KSR2: variants seen among roughly 807,000 people sequenced by gnomAD.
The protein encoded by KSR2 is kinase suppressor of ras 2.
In KSR2, 25 loss-of-function variants were observed where a neutral mutation model predicts 107.8. The observed-to-expected ratio is 0.23, with a 90% confidence interval of 0.17 to 0.32. KSR2 has a LOEUF of 0.32. KSR2 is among the 10% of genes least tolerant of loss of function. The pLI is 1.00. For synonymous variants in KSR2, 480 were observed against 507.0 expected, an observed-to-expected ratio of 0.95 and a Z score of 0.71; for missense variants, 887 against 1,268.9, an observed-to-expected ratio of 0.70 and a Z score of 4.57.
rs755024808 is a variant in KSR2, at chr12:117,968,599, AAAG to A, written c.-347_-345del. ...ACTTAGGGAGGAGGAGGAGGAGGAA[AAAG>A]AAGAGGAGAAGGAGGAGAGAGAGGA... On this transcript the variant is annotated 5_prime_UTR_variant, in exon 1 of 20. Coordinates refer to ENST00000339824, the MANE Select transcript of KSR2 (RefSeq NM_173598.6). 33 of 515,396 alleles carry A rather than the reference AAAG, an allele frequency of 6.4e-5. 1 individual carries two copies. Among genetic ancestry groups the A allele is most frequent in the Non-Finnish European group, 7.8e-5 (29 of 373,370 alleles). The allele number at this position is 515,396 out of a possible 1,614,324, so 31.9% of individuals were successfully genotyped here. A position where few individuals can be genotyped will look rare whatever the true frequency, so the allele number is the denominator to read the frequency against.
chr12:117,932,819 C>T (rs1325015951), intron 1 of KSR2, among the ~76,000 whole-genome samples: 1 of 152,028 alleles, frequency 6.6e-6, no homozygotes, highest in Non-Finnish European at 1.5e-5. Context: ...TGGAGACCAG[C>T]CTGACCAACA....
At chr12:117,467,968 G>T (rs1172918942) in intron 19 of KSR2, 1 of 335,882 alleles carries the variant, frequency 3.0e-6, no homozygotes, top group South Asian at 2.4e-5. Context: ...TATAGAAAGA[G>T]AAGCCTCCTG....
At chr12:117,646,304 C>G (rs1883635981) in intron 5 of KSR2, among the ~76,000 whole-genome samples, 1 of 152,200 alleles carries the variant, frequency 6.6e-6, no homozygotes, top group Non-Finnish European at 1.5e-5. Flanking sequence ...TGGCCCTCTG[C>G]AGAAGCAGCA....
Position 117,869,799 on chromosome 12 carries a change from G to A in KSR2, c.181-9368C>T, listed in dbSNP as rs77863340. Among the ~76,000 whole-genome samples the A allele has an allele frequency of 3.9e-3, 594 of 152,254 alleles. 2 individuals carry two copies. Among genetic ancestry groups the A allele is most frequent in the African/African-American group, 0.013 (553 of 41,532 alleles). ...TGTCTGCTGGGACGCCTTTGTCAACGACAATAAAGCATTTTCAGGAATAAC... is the reference window on the plus strand; with the variant it reads ...TGTCTGCTGGGACGCCTTTGTCAACAACAATAAAGCATTTTCAGGAATAAC... On this transcript the variant is annotated intron_variant, in intron 1 of 19. Coordinates refer to ENST00000339824, the MANE Select transcript of KSR2 (RefSeq NM_173598.6).
intron 4 of KSR2, among the ~76,000 whole-genome samples, chr12:117,747,445 CA>C (rs1888450839): frequency 8.8e-6 from 1 of 114,086 alleles, no homozygotes; most frequent in Admixed American, 9.4e-5. Flanking sequence ...GGGTGGGGGA[CA>C]GGGGGAGGGA....
chr12:117,501,035 C>T (rs756530423), intron 14 of KSR2, among the ~76,000 whole-genome samples: 8 of 152,210 alleles, frequency 5.3e-5, no homozygotes, highest in Non-Finnish European at 1.0e-4. Context: ...AACTATGGCC[C>T]GCGGGCCAAA....
At chr12:117,724,026 G>C (rs1395587073) in intron 4 of KSR2, among the ~76,000 whole-genome samples, 1 of 151,904 alleles carries the variant, frequency 6.6e-6, no homozygotes, top group Non-Finnish European at 1.5e-5. Context: ...TATCTTTCGG[G>C]CTGGGCGTAG....
At chr12:117,547,023 A>G (rs1355119882) in intron 9 of KSR2, among the ~76,000 whole-genome samples, 1 of 152,156 alleles carries the variant, frequency 6.6e-6, no homozygotes, top group Non-Finnish European at 1.5e-5. Context: ...TTTTCTATTC[A>G]GCTTGAGATC....
At chr12:117,802,270 C>T (rs1425542524) in intron 3 of KSR2, among the ~76,000 whole-genome samples, 1 of 152,026 alleles carries the variant, frequency 6.6e-6, no homozygotes, top group African/African-American at 2.4e-5. Context: ...CTGACTCTGA[C>T]CTCTGACCCT....
At chr12:117,538,190 C>T (rs141099875) in intron 10 of KSR2, among the ~76,000 whole-genome samples, 142 of 152,082 alleles carry the variant, frequency 9.3e-4, no homozygotes, top group African/African-American at 3.4e-3. Context: ...GTGGAAGTGC[C>T]GGGCAATGAA....
At chr12:117,793,094 G>A (rs1375603684) in intron 3 of KSR2, among the ~76,000 whole-genome samples, 2 of 130,716 alleles carry the variant, frequency 1.5e-5, no homozygotes, top group Admixed American at 1.6e-4. Context: ...ACACCAACAT[G>A]CACACTCACA....
intron 10 of KSR2, among the ~76,000 whole-genome samples, chr12:117,534,226 A>G (rs998988822): frequency 2.0e-5 from 3 of 152,176 alleles, no homozygotes; most frequent in African/African-American, 7.2e-5. Context: ...AGAAAGGTCA[A>G]GTCATTCTCT....
intron 14 of KSR2, among the ~76,000 whole-genome samples, chr12:117,510,877 C>CAAAA (rs58668449): frequency 9.7e-6 from 1 of 103,186 alleles, no homozygotes; most frequent in Non-Finnish European, 2.0e-5. Flanking sequence ...GACCCTGTCT[C>CAAAA]AAAAAAAAAA....
chr12:117,956,280 T>C (rs1035652566), intron 1 of KSR2, among the ~76,000 whole-genome samples: 1 of 127,244 alleles, frequency 7.9e-6, no homozygotes, highest in African/African-American at 3.1e-5. Context: ...AAAAAAAAAT[T>C]ATCAAGGCCA....
intron 4 of KSR2, among the ~76,000 whole-genome samples, chr12:117,744,843 T>C (rs1448860824): frequency 6.6e-6 from 1 of 152,336 alleles, no homozygotes; most frequent in Admixed American, 6.5e-5. Flanking sequence ...CACAGTGTTA[T>C]TGATTAACTG....
intron 2 of KSR2, among the ~76,000 whole-genome samples, chr12:117,858,417 G>A (rs1893170559): frequency 6.6e-6 from 1 of 152,104 alleles, no homozygotes; most frequent in Non-Finnish European, 1.5e-5. Flanking sequence ...GGAAATACGA[G>A]ATTGCGCGTG....
At chr12:117,719,401 G>A (rs1887122197) in intron 4 of KSR2, among the ~76,000 whole-genome samples, 1 of 152,122 alleles carries the variant, frequency 6.6e-6, no homozygotes. Context: ...TCACCATGTT[G>A]GCCAGACTGG....
intron 5 of KSR2, among the ~76,000 whole-genome samples, chr12:117,603,837 G>A (rs1881087646): frequency 6.6e-6 from 1 of 152,204 alleles, no homozygotes; most frequent in African/African-American, 2.4e-5. Context: ...CTTGCTAACT[G>A]TCTTAGGCTT....
chr12:117,463,168 C>T lies in KSR2; in HGVS notation c.*4031G>A, dbSNP rs1256997303. On this transcript the variant is annotated 3_prime_UTR_variant, in exon 20 of 20. Transcript: ENST00000339824. The stretch of plus-strand genomic sequence containing the variant: ...GTCCAGCCTTCAGGGCCTGAATTGC[C>T]TCCATATCACACAGGCCAAGCAGTC... 1 of 152,248 alleles carries T rather than the reference C, an allele frequency of 6.6e-6. No homozygotes were observed. The highest frequency in any genetic ancestry group is 1.5e-5 in the Non-Finnish European group (1 of 68,054). The allele number at this position is 152,248 out of a possible 1,614,324, so 9.4% of individuals were successfully genotyped here. A position where few individuals can be genotyped will look rare whatever the true frequency, so the allele number is the denominator to read the frequency against.
Sources: gnomAD v4.1 joint callset for allele counts (sites outside exome capture counted in the v4.1 genomes callset) on GRCh38, gnomAD v4.1.1 for gene constraint, MANE v1.5 for transcripts, NCBI Gene and HGNC (gene_info 2026-07-23, HGNC 2026-07-21) for gene names.